The following RBFOX1 variants were observed in gnomAD, a reference collection of about 807,000 sequenced individuals.
The protein encoded by RBFOX1 is RNA binding fox-1 homolog 1, also known as RNA binding protein fox-1 homolog 1.
Under a neutral mutation model 57.7 loss-of-function variants are expected in RBFOX1, and 8 were observed. That is an observed-to-expected ratio of 0.14 (90% CI 0.08 to 0.25). The LOEUF (loss-of-function observed/expected upper bound fraction) is 0.25, where lower values mean the gene tolerates loss of function less well. RBFOX1 is among the 10% of genes least tolerant of loss of function. The pLI is 1.00. For missense variants in RBFOX1, 611 were observed against 548.5 expected (o/e 1.11, Z -1.14); for synonymous variants, 326 against 222.4 (o/e 1.47, Z -4.15).
intron 4 of RBFOX1, among the ~76,000 whole-genome samples, chr16:7,487,630 C>T (rs529379940): frequency 5.3e-4 from 81 of 152,278 alleles, no homozygotes; most frequent in African/African-American, 1.8e-3. Flanking sequence ...TGCACCTGTT[C>T]ATATACATAT....
chr16:7,337,545 A>G (rs1440675958), intron 4 of RBFOX1, among the ~76,000 whole-genome samples: 3 of 152,168 alleles, frequency 2.0e-5, no homozygotes, highest in Admixed American at 2.0e-4. Flanking sequence ...GAGTGAAAAA[A>G]CATAGGTCAA....
intron 4 of RBFOX1, among the ~76,000 whole-genome samples, chr16:7,158,536 G>A (rs1050144712): frequency 4.6e-5 from 7 of 152,046 alleles, no homozygotes; most frequent in Admixed American, 4.6e-4. Flanking sequence ...ATGTGTGTGT[G>A]TTTACTGTGT....
intron 3 of RBFOX1, among the ~76,000 whole-genome samples, chr16:6,816,277 C>T (rs116608302): frequency 0.018 from 2,805 of 152,228 alleles, 87 homozygotes; most frequent in African/African-American, 0.062. Flanking sequence ...CTATTGCACT[C>T]GCACTTGAGC....
chr16:5,838,382 T>G (rs1306112132), intron 3 of RBFOX1: 1 of 159,214 alleles, frequency 6.3e-6, no homozygotes, highest in Non-Finnish European at 1.4e-5. Flanking sequence ...CTGATGGCTG[T>G]CTGGTGGTCG....
At chr16:7,303,760 GCT>G (rs145673482) in intron 4 of RBFOX1, among the ~76,000 whole-genome samples, 815 of 138,992 alleles carry the variant, frequency 5.9e-3, no homozygotes, top group Admixed American at 7.9e-3. Context: ...CCTCCCTCTC[GCT>G]CTCTCTCTCT....
chr16:5,481,272 G>C (rs1015763831), intron 2 of RBFOX1, among the ~76,000 whole-genome samples: 10 of 152,164 alleles, frequency 6.6e-5, no homozygotes, highest in African/African-American at 2.4e-4. Context: ...CTTCACCCCA[G>C]CATAATGTCT....
At chr16:6,647,682 A>C (rs571731288) in intron 2 of RBFOX1, among the ~76,000 whole-genome samples, 1 of 152,308 alleles carries the variant, frequency 6.6e-6, no homozygotes, top group South Asian at 2.1e-4. Flanking sequence ...AGTCCATCAT[A>C]CTACGTGTTA....
chr16:6,995,331 T>TGTGTGTGTGTG (rs1596394200), intron 3 of RBFOX1, among the ~76,000 whole-genome samples: 3 of 148,530 alleles, frequency 2.0e-5, no homozygotes, highest in African/African-American at 2.5e-5. Flanking sequence ...TGTGTGTGTG[T>TGTGTGTGTGTG]TAGAAGTGGT....
chr16:7,286,616 ATTT>A (rs61621368), intron 4 of RBFOX1, among the ~76,000 whole-genome samples: 2 of 90,920 alleles, frequency 2.2e-5, no homozygotes, highest in Non-Finnish European at 4.2e-5. Flanking sequence ...GGACTGGCTA[ATTT>A]TTTTTTTTTT....
At chr16:6,468,106 A>G (rs2095092211) in intron 2 of RBFOX1, among the ~76,000 whole-genome samples, 1 of 152,142 alleles carries the variant, frequency 6.6e-6, no homozygotes, top group Admixed American at 6.5e-5. Context: ...CTCTGCACAG[A>G]AATACTTTCT....
At chr16:6,207,217 G>T (rs943366062) in intron 1 of RBFOX1, among the ~76,000 whole-genome samples, 5 of 152,148 alleles carry the variant, frequency 3.3e-5, no homozygotes, top group African/African-American at 1.2e-4. Context: ...TTCTAGTGCT[G>T]TTAGTGGCTT....
chr16:6,785,239 G>A (rs1298843481), intron 3 of RBFOX1, among the ~76,000 whole-genome samples: 1 of 152,074 alleles, frequency 6.6e-6, no homozygotes, highest in Non-Finnish European at 1.5e-5. Flanking sequence ...CAGTCCGTTC[G>A]TAACTAACAT....
chr16:7,512,646 G>C (rs2075404242), intron 4 of RBFOX1, among the ~76,000 whole-genome samples: 1 of 152,206 alleles, frequency 6.6e-6, no homozygotes, highest in South Asian at 2.1e-4. Flanking sequence ...CTAGAGCATG[G>C]TGCTCTGTGT....
chr16:6,864,989 C>G (rs866570754), intron 3 of RBFOX1, among the ~76,000 whole-genome samples: 2 of 105,806 alleles, frequency 1.9e-5, no homozygotes, highest in South Asian at 3.4e-4. Context: ...GTGGGTTTTT[C>G]TTTTTCTTTT....
intron 13 of RBFOX1, among the ~76,000 whole-genome samples, chr16:7,672,223 A>G (rs2071697238): frequency 1.3e-5 from 2 of 152,178 alleles, no homozygotes; most frequent in African/African-American, 4.8e-5. Flanking sequence ...AGGAAGAAAA[A>G]AAGTCAACAT....
chr16:6,183,059 A>G (rs1387908753), intron 1 of RBFOX1, among the ~76,000 whole-genome samples: 1 of 152,190 alleles, frequency 6.6e-6, no homozygotes, highest in Non-Finnish European at 1.5e-5. Context: ...TCTTTTAGAA[A>G]CTAAATATAT....
At chr16:5,803,204 C>T (rs1163408655) in intron 3 of RBFOX1, among the ~76,000 whole-genome samples, 2 of 152,140 alleles carry the variant, frequency 1.3e-5, no homozygotes, top group Non-Finnish European at 2.9e-5. Flanking sequence ...CTTTGTTTTC[C>T]ATACCTCAGT....
intron 4 of RBFOX1, among the ~76,000 whole-genome samples, chr16:7,217,649 C>G (rs1181503919): frequency 6.6e-6 from 1 of 151,976 alleles, no homozygotes; most frequent in African/African-American, 2.4e-5. Context: ...AAAAAAATGT[C>G]AGTGTTTATT....
chr16:5,868,141 C>G (rs976791861), intron 4 of RBFOX1, among the ~76,000 whole-genome samples: 1 of 152,168 alleles, frequency 6.6e-6, no homozygotes, highest in African/African-American at 2.4e-5. Context: ...TGGAAATTGT[C>G]CATGTTGTAA....
Sources: allele counts gnomAD v4.1 joint callset (sites outside exome capture counted in the v4.1 genomes callset), GRCh38; gene constraint gnomAD v4.1.1; transcripts MANE v1.5; gene names NCBI Gene and HGNC (gene_info 2026-07-23, HGNC 2026-07-21).